Variants in SLC30A4 observed in about 807,000 individuals in gnomAD.
SLC30A4 encodes solute carrier family 30 member 4.
SLC30A4 carries 20 observed loss-of-function variants against 41.7 expected under a neutral mutation model. The ratio of observed to expected loss-of-function variants is 0.48; its 90% CI spans 0.34 to 0.70. The LOEUF (loss-of-function observed/expected upper bound fraction) is 0.70. Ranked by LOEUF, SLC30A4 falls within the 30% of genes least tolerant of loss-of-function variation. SLC30A4 has a pLI of 0.01. For missense variants in SLC30A4, 441 were observed against 529.3 expected (o/e 0.83, Z 1.64); for synonymous variants, 181 against 195.9 (o/e 0.92, Z 0.64).
chr15:45,509,733 C>G (rs76727067), intron 3 of SLC30A4, among the ~76,000 whole-genome samples: 76 of 152,230 alleles, frequency 5.0e-4, no homozygotes, highest in African/African-American at 1.8e-3. Context: ...TCAAGTTTTG[C>G]ACCAGAAGAC....
At chr15:45,516,237 A>G (rs2140858404) in intron 2 of SLC30A4, among the ~76,000 whole-genome samples, 1 of 152,316 alleles carries the variant, frequency 6.6e-6, no homozygotes, top group Middle Eastern at 3.4e-3. Flanking sequence ...GGTACCTGGT[A>G]CAACCAATCT....
At chr15:45,511,079 T>C in intron 3 of SLC30A4, 59 bp downstream of exon 3, 1 of 1,350,962 alleles carries the variant, frequency 7.4e-7, no homozygotes, top group Non-Finnish European at 1.0e-6. Flanking sequence ...ATCAGGGTTA[T>C]AGTTCATTGT....
chr15:45,489,021 C>A lies in SLC30A4; in HGVS notation c.714G>T (p.Gln238His). The A allele has an allele frequency of 6.2e-7, 1 of 1,613,228 alleles. No homozygotes were observed. The highest frequency in any genetic ancestry group is 8.5e-7 in the Non-Finnish European group (1 of 1,179,442). ...GGGAATGGGAGTGACGGTGACCAGACTGGTTCAACAGAAACCCCATTCTGT... is the reference window on the plus strand; with the variant it reads ...GGGAATGGGAGTGACGGTGACCAGAATGGTTCAACAGAAACCCCATTCTGT... Reference protein sequence around the residue: ...VNVIMGFLLNQSGHRHSHSHS... With the variant: ...VNVIMGFLLNHSGHRHSHSHS... Residue 238 changes from glutamine (Q) to histidine (H), a missense_variant, in exon 5 of 8, where the codon CAG (glutamine) becomes CAT (histidine). Gln to His is a conservative substitution (Grantham distance 24, BLOSUM62 0). Around this residue, in one of 3 missense-constraint regions of SLC30A4, gnomAD observed 312 missense variants for 341.9 expected, o/e 0.91. Transcript: ENST00000261867.
At chr15:45,510,009 T>C (rs958663968) in intron 3 of SLC30A4, among the ~76,000 whole-genome samples, 4 of 151,712 alleles carry the variant, frequency 2.6e-5, no homozygotes, top group African/African-American at 4.9e-5. Flanking sequence ...AAGGTGGAGG[T>C]TGTAGTGAGC....
chr15:45,500,546 C>T (rs1203537498), intron 3 of SLC30A4, among the ~76,000 whole-genome samples: 2 of 152,100 alleles, frequency 1.3e-5, no homozygotes, highest in Non-Finnish European at 2.9e-5. Flanking sequence ...TCTTTCTATA[C>T]CCAAAATGGA....
intron 2 of SLC30A4, among the ~76,000 whole-genome samples, chr15:45,518,866 T>C (rs1892579407): frequency 6.6e-6 from 1 of 152,096 alleles, no homozygotes; most frequent in Non-Finnish European, 1.5e-5. Context: ...CCAAATTGCT[T>C]CATTTTTTAT....
At chr15:45,518,982 A>T (rs1407257211) in intron 2 of SLC30A4, among the ~76,000 whole-genome samples, 7 of 151,776 alleles carry the variant, frequency 4.6e-5, no homozygotes, top group Admixed American at 1.3e-4. Context: ...CCCTGGCTGG[A>T]GTGCAGTGGC....
At chr15:45,488,459 G>T (rs1198094231) in intron 5 of SLC30A4, among the ~76,000 whole-genome samples, 2 of 152,174 alleles carry the variant, frequency 1.3e-5, no homozygotes, top group African/African-American at 4.8e-5. Flanking sequence ...TGTAATCCCA[G>T]CTACTTGGGA....
chr15:45,482,838 C>CTGCA lies in SLC30A4; in HGVS notation c.*2321_*2324dup, dbSNP rs1891623657. The CTGCA allele has an allele frequency of 6.6e-6, 1 of 152,140 alleles. No individual in the cohort carries two copies. The highest frequency in any genetic ancestry group is 6.5e-5 in the Admixed American group (1 of 15,268). 9.4% of individuals were successfully genotyped at this position (152,140 alleles called of 1,614,324 possible). A position where few individuals can be genotyped will look rare whatever the true frequency, so the allele number is the denominator to read the frequency against. On this transcript the variant is annotated 3_prime_UTR_variant, in exon 8 of 8. Coordinates refer to ENST00000261867, the MANE Select transcript of SLC30A4 (RefSeq NM_013309.6). ...ATAGGGTCTCATTTTGTTACTCAGG[C>CTGCA]TGCAGTGCAATGGTGTGGACATGGC...
In SLC30A4 at chr15:45,487,911, AGTGTGTGTGTGT is replaced by A. The variant is rs145350286; in HGVS notation, c.895-291_895-280del. ...AGAATATCAGAGCTGGAAAGAAGTA[AGTGTGTGTGTGT>A]GTGTGTGTGTGTGTGTGTGTGTCAA... On this transcript the variant is annotated intron_variant, in intron 5 of 7. Transcript: ENST00000261867. Among the ~76,000 whole-genome samples, 108 of 137,690 alleles carry A rather than the reference AGTGTGTGTGTGT, an allele frequency of 7.8e-4. No individual in the cohort carries two copies. In the East Asian group the frequency reaches 0.011, roughly 15 times the overall value. The allele number at this position is 137,690 out of a possible 152,430, so 90.3% of individuals were successfully genotyped here.
chr15:45,514,572 T>C (rs1555392555), intron 2 of SLC30A4, among the ~76,000 whole-genome samples: 1 of 145,850 alleles, frequency 6.9e-6, no homozygotes, highest in Non-Finnish European at 1.5e-5. Context: ...TGGAGTACAG[T>C]GGTGCAATCT....
At chr15:45,487,224 A>G (rs1012555926) in intron 6 of SLC30A4, among the ~76,000 whole-genome samples, 2 of 152,230 alleles carry the variant, frequency 1.3e-5, no homozygotes, top group Non-Finnish European at 2.9e-5. Context: ...ACAGTTTATT[A>G]GCAACATGAC....
chr15:45,485,244 CA>C lies in SLC30A4; in HGVS notation c.1208del (p.Met403SerfsTer83). The C allele has an allele frequency of 6.2e-7, 1 of 1,612,448 alleles. No individual in the cohort carries two copies. Among genetic ancestry groups the C allele is most frequent in the Non-Finnish European group, 8.5e-7 (1 of 1,178,766 alleles). ...ANHLLLNTFG[M>X]YRCTIQLQSY... Reference sequence around the variant, plus strand: ...TCTGAAGCTGAATAGTACATCTATACATGCCAAATGTGTTCAATAATAAATG... The same window carrying C: ...TCTGAAGCTGAATAGTACATCTATACTGCCAAATGTGTTCAATAATAAATG... On this transcript the variant is annotated frameshift_variant, in exon 8 of 8. Transcript: ENST00000261867. LOFTEE classifies it high-confidence loss of function.
Position 45,522,167 on chromosome 15 carries a change from T to C in SLC30A4, c.188A>G (p.Asn63Ser), listed in dbSNP as rs1012062629. ...GGCCTGGAGGGTCGGGTGCGCCCCG[T>C]TAACAGGCCTTTCCGGGGCTTCGGA... ...DGSEAPERPVNGAHPTLQADD... is the reference protein window; with the variant it reads ...DGSEAPERPVSGAHPTLQADD... The change falls in exon 2 of 8, where the codon AAC becomes AGC. Residue 63 changes from asparagine (N) to serine (S), a missense_variant. Around this residue, in one of 3 missense-constraint regions of SLC30A4, gnomAD observed 312 missense variants for 341.9 expected, o/e 0.91. Coordinates refer to ENST00000261867, the MANE Select transcript of SLC30A4 (RefSeq NM_013309.6). 10 of 1,614,208 alleles carry C rather than the reference T, an allele frequency of 6.2e-6. No homozygotes were observed. The highest frequency in any genetic ancestry group is 8.5e-6 in the Non-Finnish European group (10 of 1,180,030).
intron 3 of SLC30A4, among the ~76,000 whole-genome samples, chr15:45,505,253 A>G (rs1381301669): frequency 6.6e-6 from 1 of 151,138 alleles, no homozygotes. Flanking sequence ...AAAAAAAAAA[A>G]AAGAAAGAAA....
At chr15:45,517,709 G>A (rs1220058051) in intron 2 of SLC30A4, among the ~76,000 whole-genome samples, 1 of 151,970 alleles carries the variant, frequency 6.6e-6, no homozygotes, top group African/African-American at 2.4e-5. Context: ...AGCACTTTGG[G>A]AGGCCGAGGC....
intron 3 of SLC30A4, among the ~76,000 whole-genome samples, chr15:45,501,018 A>G (rs1892019062): frequency 6.6e-6 from 1 of 150,588 alleles, no homozygotes; most frequent in Non-Finnish European, 1.5e-5. Context: ...AGAATTATAG[A>G]AAAATGTGGC....
At chr15:45,507,312 T>C (rs1892180189) in intron 3 of SLC30A4, among the ~76,000 whole-genome samples, 1 of 103,970 alleles carries the variant, frequency 9.6e-6, no homozygotes, top group Admixed American at 1.2e-4. Flanking sequence ...ACAGTGAGAC[T>C]CTGTCTCAAA....
At chr15:45,492,460 G>C (rs1891828429) in intron 3 of SLC30A4, among the ~76,000 whole-genome samples, 1 of 152,046 alleles carries the variant, frequency 6.6e-6, no homozygotes, top group Admixed American at 6.6e-5. Flanking sequence ...AGTGTTTTAA[G>C]TTTTTACCAT....
Sources: allele counts gnomAD v4.1 joint callset (sites outside exome capture counted in the v4.1 genomes callset), GRCh38; gene constraint gnomAD v4.1.1; regional missense constraint gnomAD v4.1.1; transcripts MANE v1.5; gene names NCBI Gene and HGNC (gene_info 2026-07-23, HGNC 2026-07-21).